TRANK1: variants seen among roughly 807,000 people sequenced by gnomAD.
TRANK1 encodes TPR and ankyrin repeat-containing protein 1.
A neutral mutation model predicts 266.0 loss-of-function variants in TRANK1; 198 were observed. That is an observed-to-expected ratio of 0.74 (90% CI 0.66 to 0.84). The LOEUF is 0.84. Ranked by LOEUF, TRANK1 falls within the 40% of genes least tolerant of loss-of-function variation. The probability of loss-of-function intolerance (pLI) is 0.00; values close to 1 mark genes in which losing one functional copy is unlikely to be tolerated. For missense variants in TRANK1, 3,326 were observed against 3,634.6 expected, an observed-to-expected ratio of 0.92 and a Z score of 2.18; for synonymous variants, 1,396 against 1,384.1, an observed-to-expected ratio of 1.01 and a Z score of -0.19.
chr3:36,850,448 A>G (rs79099399), intron 15 of TRANK1: 17,016 of 985,412 alleles, frequency 0.017, 167 homozygotes, highest in Non-Finnish European at 0.02. Context: ...CATTACGACT[A>G]TGAGAAATGT....
chr3:36,862,229 A>C (rs1402545261), intron 10 of TRANK1, among the ~76,000 whole-genome samples: 1 of 152,178 alleles, frequency 6.6e-6, no homozygotes, highest in Admixed American at 6.5e-5. Flanking sequence ...TGGCAACCCT[A>C]CCACTAAGAA....
rs2079711512 is a variant in TRANK1, at chr3:36,892,315, T to C, written c.662A>G (p.Glu221Gly). The C allele has an allele frequency of 6.5e-7, 1 of 1,537,002 alleles. No individual in the cohort carries two copies. The highest frequency in any genetic ancestry group is 2.0e-5 in the Admixed American group (1 of 50,950). The change falls in exon 7 of 24, where the codon GAG becomes GGG. Residue 221 changes from glutamate (E) to glycine (G), a missense_variant. Glu to Gly is a moderately conservative substitution (Grantham distance 98). Coordinates refer to ENST00000645898, the MANE Select transcript of TRANK1 (RefSeq NM_001329998.2). Reference protein sequence around the residue: ...FEKYVFIGLYEKMEQVPKLVQ... With the variant: ...FEKYVFIGLYGKMEQVPKLVQ... ...TAACTTGGGCACTTGTTCCATCTTC[T>C]CATAAAGTCCAATGAAAACGTATTT...
chr3:36,844,409 T>G (rs974118319), intron 17 of TRANK1, among the ~76,000 whole-genome samples: 16 of 152,170 alleles, frequency 1.1e-4, no homozygotes, highest in Admixed American at 6.5e-5. Flanking sequence ...GTATTTTTAG[T>G]AGAGATGGGG....
chr3:36,842,765 C>T, intron 17 of TRANK1, 55 bp from the exon 18 acceptor site: 1 of 1,510,254 alleles, frequency 6.6e-7, no homozygotes, highest in Non-Finnish European at 9.1e-7. Flanking sequence ...TCACTTAAAA[C>T]TGTTGTTATG....
chr3:36,905,375 T>A (rs2079950337), intron 2 of TRANK1, among the ~76,000 whole-genome samples: 2 of 151,904 alleles, frequency 1.3e-5, no homozygotes, highest in South Asian at 4.1e-4. Flanking sequence ...GAGGTAATTA[T>A]GTTTAGCTGA....
At chr3:36,919,072 T>C (rs1559473901) in intron 1 of TRANK1, among the ~76,000 whole-genome samples, 1 of 152,218 alleles carries the variant, frequency 6.6e-6, no homozygotes. Flanking sequence ...CAGCAACAAT[T>C]ACTGTGCAAT....
At chr3:36,921,422 C>T (rs540980939) in intron 1 of TRANK1, among the ~76,000 whole-genome samples, 28 of 152,276 alleles carry the variant, frequency 1.8e-4, no homozygotes, top group African/African-American at 5.5e-4. Context: ...TATTTCCTTG[C>T]GGCACCGAAA....
intron 10 of TRANK1, among the ~76,000 whole-genome samples, chr3:36,862,143 A>G (rs887796712): frequency 6.6e-6 from 1 of 152,218 alleles, no homozygotes; most frequent in Non-Finnish European, 1.5e-5. Context: ...TGCAATATTT[A>G]GGGACATATT....
chr3:36,873,062 G>A (rs1048596818), intron 9 of TRANK1, among the ~76,000 whole-genome samples: 2 of 152,142 alleles, frequency 1.3e-5, no homozygotes, highest in African/African-American at 4.8e-5. Context: ...CATAGATATC[G>A]ATGAACATAC....
In TRANK1 at chr3:36,831,064, A is replaced by C. The variant is rs1005752450; in HGVS notation, c.8519T>G (p.Phe2840Cys). ...QQVAYQKYSE[F>C]FHEKVDPAID... ...GGCCGGGTCCACCTTCTCGTGGAAA[A>C]ATTCTGAGTATTTCTGGTAGGCCAC... The change falls in exon 22 of 24, where the codon TTT becomes TGT. Residue 2840 changes from phenylalanine to cysteine, a missense_variant. Transcript: ENST00000645898. The surrounding 1 kb of genome is among the most constrained non-coding windows in gnomAD (Gnocchi z 5.0). 5.0e-6 allele frequency: 8 copies of C among 1,613,870 alleles called. No individual in the cohort carries two copies. Among genetic ancestry groups the C allele is most frequent in the Non-Finnish European group, 5.9e-6 (7 of 1,179,876 alleles).
Position 36,831,893 on chromosome 3 carries a change from C to T in TRANK1, c.7690G>A (p.Val2564Met), listed in dbSNP as rs2078700186. The T allele has an allele frequency of 6.2e-7, 1 of 1,613,920 alleles. No homozygotes were observed. The highest frequency in any genetic ancestry group is 8.5e-7 in the Non-Finnish European group (1 of 1,179,902). ...VVSGEAERTL[V>M]LCLVMLVNAE... is the part of the protein sequence containing the mutation. ...TTCACTAGCATCACCAAGCACAGCA[C>T]CAGTGTCCGCTCAGCCTCACCCGAG... The change falls in exon 22 of 24, where the codon GTG becomes ATG. Residue 2564 changes from valine to methionine, a missense_variant. Coordinates refer to ENST00000645898, the MANE Select transcript of TRANK1 (RefSeq NM_001329998.2). The surrounding 1 kb of genome is among the most constrained non-coding windows in gnomAD (Gnocchi z 5.0).
intron 1 of TRANK1, among the ~76,000 whole-genome samples, chr3:36,935,861 T>A (rs919758310): frequency 1.3e-5 from 2 of 152,220 alleles, no homozygotes; most frequent in African/African-American, 4.8e-5. Context: ...TTCTTACTTA[T>A]CAGAGGCAGA....
chr3:36,900,554 A>G (rs1189986501), intron 3 of TRANK1, among the ~76,000 whole-genome samples: 1 of 152,122 alleles, frequency 6.6e-6, no homozygotes, highest in Non-Finnish European at 1.5e-5. Context: ...AATCAGCATC[A>G]GGGATCTACC....
intron 20 of TRANK1, among the ~76,000 whole-genome samples, chr3:36,837,984 GCCGAGGAA>G (rs1475889937): frequency 6.6e-6 from 1 of 152,118 alleles, no homozygotes; most frequent in African/African-American, 2.4e-5. Context: ...TAGGAACACA[GCCGAGGAA>G]CCTCCATCTA....
At position 36,850,918 on chromosome 3, in the gene TRANK1, G is replaced by A. The variant is rs3733032; in HGVS notation, c.4887+801C>T. The stretch of plus-strand genomic sequence containing the variant: ...ATGTGCAAAGGAAGTCTGCAACAAG[G>A]ACTGGGACACAGCCAGCTAAGTCCC... On this transcript the variant is annotated intron_variant, in intron 15 of 23. Coordinates refer to ENST00000645898, the MANE Select transcript of TRANK1 (RefSeq NM_001329998.2). 7.6e-4 allele frequency: 749 copies of A among 985,516 alleles called. 24 individuals are homozygous for A. The East Asian group carries it at 0.063, about 83-fold the overall frequency. 61.0% of individuals were successfully genotyped at this position (985,516 alleles called of 1,614,324 possible).
intron 5 of TRANK1, 108 bp downstream of exon 5, chr3:36,895,532 T>A (rs932554310): frequency 1.5e-5 from 10 of 647,336 alleles, no homozygotes; most frequent in Non-Finnish European, 2.4e-5. Flanking sequence ...AAATTTACCC[T>A]GGCATCAAGA....
chr3:36,890,980 A>AT (rs2079685216), intron 7 of TRANK1, among the ~76,000 whole-genome samples: 1 of 152,210 alleles, frequency 6.6e-6, no homozygotes, highest in African/African-American at 2.4e-5. Context: ...TGGGAGGATT[A>AT]GATTGCGTAG....
rs2079526405 is a variant in TRANK1 at position 36,881,176 on chromosome 3, G to T, written c.908-6880C>A. Among the ~76,000 whole-genome samples, 4 of 151,984 alleles carry T rather than the reference G, an allele frequency of 2.6e-5. 1 individual carries two copies. The South Asian group carries it at 8.3e-4, about 32-fold the overall frequency. ...CTTTTAAAGTGTATTATTTGCCCGG[G>T]TGTGGTAGCTCACACCTGTAATCCC... On this transcript the variant is annotated intron_variant, in intron 8 of 23. Transcript: ENST00000645898.
chr3:36,895,587 A>T, intron 5 of TRANK1, 53 bp downstream of exon 5: 1 of 1,115,226 alleles, frequency 9.0e-7, no homozygotes, highest in Non-Finnish European at 1.2e-6. Flanking sequence ...ATGGAAAGGA[A>T]TCATTTCATC....
Sources: allele counts gnomAD v4.1 joint callset (sites outside exome capture counted in the v4.1 genomes callset), GRCh38; gene constraint gnomAD v4.1.1; non-coding constraint Gnocchi (gnomAD v3.1); transcripts MANE v1.5; gene names NCBI Gene and HGNC (gene_info 2026-07-23, HGNC 2026-07-21).